Variants in ZDHHC21 observed in about 807,000 individuals in gnomAD.
The protein encoded by ZDHHC21 is zDHHC palmitoyltransferase 21, also known as palmitoyltransferase ZDHHC21.
Under a neutral mutation model 34.6 loss-of-function variants are expected in ZDHHC21, and 15 were observed. That is an observed-to-expected ratio of 0.43 (90% CI 0.29 to 0.67). The LOEUF (loss-of-function observed/expected upper bound fraction) is 0.67, where lower values mean the gene tolerates loss of function less well. Ranked by LOEUF, ZDHHC21 falls within the 30% of genes least tolerant of loss-of-function variation. The pLI is 0.14. For synonymous variants in ZDHHC21, 142 were observed against 101.8 expected (o/e 1.40, Z -2.38); for missense variants, 344 against 327.7 (o/e 1.05, Z -0.38).
At chr9:14,601,693 G>A in the ZDHHC21 span, among the ~76,000 whole-genome samples, 1 of 152,104 alleles carries the variant, frequency 6.6e-6, no homozygotes, top group Non-Finnish European at 1.5e-5. Context: ...AGACACATGT[G>A]CATGTATGTT....
chr9:14,627,046 G>C (rs958288431), intron 8 of ZDHHC21, among the ~76,000 whole-genome samples: 2 of 152,052 alleles, frequency 1.3e-5, no homozygotes, highest in African/African-American at 4.8e-5. Context: ...ACCTGGAGCT[G>C]AGTACATCAA....
At chr9:14,658,343 T>G (rs1832667760) in intron 7 of ZDHHC21, among the ~76,000 whole-genome samples, 1 of 150,508 alleles carries the variant, frequency 6.6e-6, no homozygotes. Context: ...TTTGGGAGTT[T>G]GCTTTTGTTG....
At chr9:14,609,710 A>G (rs1390565352), downstream of ZDHHC21, among the ~76,000 whole-genome samples, 3 of 152,110 alleles carry the variant, frequency 2.0e-5, no homozygotes, top group Admixed American at 6.6e-5. Flanking sequence ...AGAACTTTCC[A>G]AAGTGAAAAA....
At chr9:14,685,780 A>G (rs964762667) in intron 2 of ZDHHC21, among the ~76,000 whole-genome samples, 7 of 152,220 alleles carry the variant, frequency 4.6e-5, no homozygotes, top group African/African-American at 1.7e-4. Context: ...CACTATTCAC[A>G]ATAGCAAAGA....
intron 2 of ZDHHC21, among the ~76,000 whole-genome samples, chr9:14,680,545 G>A (rs371595492): frequency 7.4e-4 from 113 of 152,180 alleles, no homozygotes; most frequent in African/African-American, 2.6e-3. Context: ...TAAAATGGAA[G>A]TTTTAATTTA....
At chr9:14,686,692 T>G (rs1347283128) in intron 2 of ZDHHC21, among the ~76,000 whole-genome samples, 2 of 152,046 alleles carry the variant, frequency 1.3e-5, no homozygotes, top group Admixed American at 6.6e-5. Flanking sequence ...AAAGTTAAAG[T>G]CTGGGTATAG....
intron 7 of ZDHHC21, among the ~76,000 whole-genome samples, chr9:14,650,708 C>G (rs1314228021): frequency 6.6e-6 from 1 of 151,956 alleles, no homozygotes; most frequent in Non-Finnish European, 1.5e-5. Context: ...TCTGTAGGAA[C>G]AGTTCTGACA....
chr9:14,672,125 G>A (rs759006030), intron 5 of ZDHHC21, among the ~76,000 whole-genome samples: 2 of 151,906 alleles, frequency 1.3e-5, no homozygotes, highest in South Asian at 2.1e-4. Flanking sequence ...AAGCAGAAAC[G>A]CATGTAAAAT....
the ZDHHC21 span, among the ~76,000 whole-genome samples, chr9:14,596,340 C>T: frequency 6.6e-6 from 1 of 152,300 alleles, no homozygotes; most frequent in Admixed American, 6.5e-5. Flanking sequence ...GAGGCTGCGC[C>T]CCAAGCAAGC....
chr9:14,642,816 T>A (rs1257128239), intron 7 of ZDHHC21, among the ~76,000 whole-genome samples: 1 of 152,242 alleles, frequency 6.6e-6, no homozygotes, highest in African/African-American at 2.4e-5. Context: ...TGTATTTTCT[T>A]AAGACAGGCC....
intron 5 of ZDHHC21, among the ~76,000 whole-genome samples, chr9:14,670,224 A>G (rs1835210516): frequency 6.6e-6 from 1 of 152,138 alleles, no homozygotes; most frequent in South Asian, 2.1e-4. Flanking sequence ...CCTAGAGAAT[A>G]AATTCTTCAT....
chr9:14,599,378 G>C, the ZDHHC21 span, among the ~76,000 whole-genome samples: 2 of 152,162 alleles, frequency 1.3e-5, no homozygotes, highest in African/African-American at 4.8e-5. Flanking sequence ...AAGGGAAGCT[G>C]TGAGGGACTG....
At chr9:14,659,951 C>T (rs1266189838) in intron 6 of ZDHHC21, among the ~76,000 whole-genome samples, 2 of 152,120 alleles carry the variant, frequency 1.3e-5, no homozygotes, top group Non-Finnish European at 2.9e-5. Context: ...TCTTTCCTGT[C>T]CCCAGGAAGT....
intron 2 of ZDHHC21, among the ~76,000 whole-genome samples, chr9:14,686,771 A>T (rs774855016): frequency 6.6e-6 from 1 of 150,894 alleles, no homozygotes; most frequent in Non-Finnish European, 1.5e-5. Context: ...TCAGGAGTTC[A>T]AGACGAGCCT....
intron 7 of ZDHHC21, among the ~76,000 whole-genome samples, chr9:14,650,871 T>G (rs1831126680): frequency 6.6e-6 from 1 of 151,972 alleles, no homozygotes; most frequent in African/African-American, 2.4e-5. Context: ...CTCTCCTCTC[T>G]TCCCCTTCTG....
At chr9:14,686,833 C>T (rs934668762) in intron 2 of ZDHHC21, among the ~76,000 whole-genome samples, 7 of 150,068 alleles carry the variant, frequency 4.7e-5, no homozygotes, top group East Asian at 3.9e-4. Flanking sequence ...ATAAGCTGGG[C>T]GTGGTGGTGT....
intron 7 of ZDHHC21, among the ~76,000 whole-genome samples, chr9:14,641,183 T>C (rs1251676200): frequency 1.3e-5 from 2 of 152,198 alleles, no homozygotes; most frequent in African/African-American, 2.4e-5. Context: ...GTGTGTATTA[T>C]ATTGAGTCAC....
intron 3 of ZDHHC21, among the ~76,000 whole-genome samples, chr9:14,678,614 G>C (rs775263499): frequency 1.3e-5 from 2 of 152,042 alleles, no homozygotes; most frequent in Non-Finnish European, 2.9e-5. Flanking sequence ...AGGGCAATTT[G>C]GCAGTATGTA....
intron 2 of ZDHHC21, among the ~76,000 whole-genome samples, chr9:14,689,095 CTACTTTTT>C (rs1463523627): frequency 6.6e-6 from 1 of 152,166 alleles, no homozygotes; most frequent in African/African-American, 2.4e-5. Flanking sequence ...GCCCCGTTAT[CTACTTTTT>C]TAAAGTCTGT....
Sources: gnomAD v4.1 joint callset for allele counts (sites outside exome capture counted in the v4.1 genomes callset) on GRCh38, gnomAD v4.1.1 for gene constraint, MANE v1.5 for transcripts, NCBI Gene and HGNC (gene_info 2026-07-23, HGNC 2026-07-21) for gene names.